Variants in SETD2 observed in about 807,000 individuals in gnomAD.
SETD2 encodes the protein histone-lysine N-methyltransferase SETD2.
Under a neutral mutation model 242.1 loss-of-function variants are expected in SETD2, and 31 were observed. That is an observed-to-expected ratio of 0.13 (90% CI 0.10 to 0.17). The LOEUF (loss-of-function observed/expected upper bound fraction) is 0.17, where lower values mean the gene tolerates loss of function less well. SETD2 is among the 10% of genes least tolerant of loss of function. The pLI is 1.00. For missense variants in SETD2, 2,481 were observed against 3,046.3 expected (o/e 0.81, Z 4.37); for synonymous variants, 1,006 against 1,066.5 (o/e 0.94, Z 1.11).
intron 12 of SETD2, 134 bp from the exon 13 acceptor site, chr3:47,067,252 A>C: frequency 1.4e-6 from 1 of 689,884 alleles, no homozygotes; most frequent in Non-Finnish European, 2.6e-6. Flanking sequence ...AATTTGACTT[A>C]TATCTGGGCT....
rs2107484305 is a variant in SETD2, at chr3:47,017,097, T to A, written c.7691A>T (p.Glu2564Val). 6.2e-7 allele frequency: 1 copy of A among 1,614,048 alleles called. No homozygotes were observed. The highest frequency in any genetic ancestry group is 8.5e-7 in the Non-Finnish European group (1 of 1,179,994). ...VYKPKEDTEL[E>V] ...CCTCCCACCCTGGCCCAACAGTCAC[T>A]CTAATTCAGTGTCCTCTTTGGGTTT... Residue 2564 changes from glutamate (E) to valine (V), a missense_variant, in exon 21 of 21, where the codon GAG becomes GTG. By Grantham distance (121) the Glu-to-Val change is moderately radical. Transcript: ENST00000409792. This position sits in a 1 kb window ranked among gnomAD's most constrained non-coding sequence, Gnocchi z 4.8.
At chr3:47,021,402 C>A (rs1285466167) in intron 18 of SETD2, among the ~76,000 whole-genome samples, 1 of 152,124 alleles carries the variant, frequency 6.6e-6, no homozygotes, top group Non-Finnish European at 1.5e-5. Context: ...ATAGGGTATG[C>A]ACTCACAAAG....
intron 15 of SETD2, among the ~76,000 whole-genome samples, chr3:47,048,563 AT>A (rs1022660789): frequency 3.5e-5 from 5 of 141,708 alleles, no homozygotes; most frequent in Non-Finnish European, 5.9e-5. Context: ...GTTTATTAAC[AT>A]TTTTTTAATA....
intron 7 of SETD2, 39 bp from the exon 8 acceptor site, chr3:47,101,594 ATTAGTGTGT>A: frequency 9.7e-7 from 1 of 1,028,994 alleles, no homozygotes; most frequent in Non-Finnish European, 1.5e-6. Context: ...TTAGTAACTT[ATTAGTGTGT>A]GTGTGTGTGT....
chr3:47,162,390 C>A (rs1269427783), intron 1 of SETD2, among the ~76,000 whole-genome samples: 3 of 152,020 alleles, frequency 2.0e-5, no homozygotes, highest in African/African-American at 7.2e-5. Flanking sequence ...CTGCCAGTAG[C>A]AAAACAAAAA....
At chr3:47,149,256 C>A (rs2043929833) in intron 1 of SETD2, among the ~76,000 whole-genome samples, 1 of 152,076 alleles carries the variant, frequency 6.6e-6, no homozygotes, top group South Asian at 2.1e-4. Flanking sequence ...TCTGATATGC[C>A]ACTAAACTAG....
At chr3:47,085,838 T>G (rs1222451386) in intron 11 of SETD2, among the ~76,000 whole-genome samples, 1 of 152,164 alleles carries the variant, frequency 6.6e-6, no homozygotes, top group Non-Finnish European at 1.5e-5. Context: ...ACCAATTCTT[T>G]AGACCCCACA....
At position 47,163,871 on chromosome 3, in the gene SETD2, C is replaced by T. The variant is rs1205378979; in HGVS notation, c.54G>A (p.Pro18=). The change falls in exon 1 of 21, where the codon CCG becomes CCA. Residue 18 remains proline, a synonymous_variant. Transcript: ENST00000409792. ...ATACTTACTCAGGGGTCGGGTGCTC[C>T]GGGTCGTAGAAATCCCCCATCTTCG... is the stretch of plus-strand genomic sequence containing the variant. The part of the protein sequence containing the change: ...PPPKMGDFYD[P]EHPTPEEEEN... The T allele has an allele frequency of 3.0e-6, 4 of 1,315,930 alleles. No individual in the cohort carries two copies. The highest frequency in any genetic ancestry group is 3.9e-6 in the Non-Finnish European group (4 of 1,026,218). The allele number at this position is 1,315,930 out of a possible 1,614,324, so 81.5% of individuals were successfully genotyped here.
At chr3:47,092,892 C>A (rs2041860685) in intron 9 of SETD2, among the ~76,000 whole-genome samples, 1 of 152,146 alleles carries the variant, frequency 6.6e-6, no homozygotes, top group African/African-American at 2.4e-5. Context: ...GTTATAACAG[C>A]AACCCTTCCT....
intron 1 of SETD2, among the ~76,000 whole-genome samples, chr3:47,146,171 T>C (rs925068870): frequency 2.0e-5 from 3 of 151,970 alleles, no homozygotes; most frequent in African/African-American, 7.3e-5. Flanking sequence ...CACAGTACAA[T>C]ATATTAGGAG....
intron 12 of SETD2, among the ~76,000 whole-genome samples, chr3:47,073,484 T>C (rs2040917614): frequency 6.6e-6 from 1 of 152,076 alleles, no homozygotes; most frequent in Non-Finnish European, 1.5e-5. Context: ...TAGAAGATAC[T>C]ATACATGTCT....
chr3:47,082,130 G>A (rs888479843), intron 12 of SETD2, among the ~76,000 whole-genome samples: 2 of 152,112 alleles, frequency 1.3e-5, no homozygotes, highest in Non-Finnish European at 2.9e-5. Context: ...ATATCCTAGA[G>A]AGTAATTCAT....
intron 15 of SETD2, among the ~76,000 whole-genome samples, chr3:47,052,411 G>T (rs1408888619): frequency 6.6e-6 from 1 of 152,182 alleles, no homozygotes; most frequent in Non-Finnish European, 1.5e-5. Flanking sequence ...GGGTTCAAGT[G>T]ATCTTCCTGC....
At chr3:47,026,116 A>C (rs2038464918) in intron 18 of SETD2, among the ~76,000 whole-genome samples, 1 of 152,364 alleles carries the variant, frequency 6.6e-6, no homozygotes, top group South Asian at 2.1e-4. Context: ...CAAGAAAAAA[A>C]CAAACAACTC....
chr3:47,148,110 T>TTTG (rs144690368), intron 1 of SETD2, among the ~76,000 whole-genome samples: 159 of 149,016 alleles, frequency 1.1e-3, no homozygotes, highest in East Asian at 3.0e-3. Context: ...TTGGTTGTGT[T>TTTG]TTGTTGTTGT....
At chr3:47,152,068 T>A (rs1344333017) in intron 1 of SETD2, among the ~76,000 whole-genome samples, 1 of 152,200 alleles carries the variant, frequency 6.6e-6, no homozygotes, top group Non-Finnish European at 1.5e-5. Context: ...ATACTTTTCA[T>A]AATTGTGACA....
intron 18 of SETD2, 61 bp from the exon 19 acceptor site, chr3:47,019,901 A>C: frequency 7.3e-7 from 1 of 1,363,086 alleles, no homozygotes; most frequent in Non-Finnish European, 1.1e-6. Flanking sequence ...GTGATGCCCT[A>C]CTGTCCCAGA....
chr3:47,117,830 T>C (rs1283020971), intron 3 of SETD2, among the ~76,000 whole-genome samples: 1 of 152,134 alleles, frequency 6.6e-6, no homozygotes, highest in African/African-American at 2.4e-5. Context: ...AAAGTGAAAA[T>C]GTGATTATTT....
intron 9 of SETD2, among the ~76,000 whole-genome samples, chr3:47,095,970 G>A (rs1410519340): frequency 6.6e-6 from 1 of 151,904 alleles, no homozygotes; most frequent in African/African-American, 2.4e-5. Flanking sequence ...TGCCTAGGAT[G>A]GTCTTGCACT....
Sources: allele counts gnomAD v4.1 joint callset (sites outside exome capture counted in the v4.1 genomes callset), GRCh38; gene constraint gnomAD v4.1.1; non-coding constraint Gnocchi (gnomAD v3.1); transcripts MANE v1.5; gene names NCBI Gene and HGNC (gene_info 2026-07-23, HGNC 2026-07-21).